Variants in SRSF12 observed in about 807,000 individuals in gnomAD.
SRSF12 encodes the protein serine/arginine-rich splicing factor 12.
SRSF12 carries 21 observed loss-of-function variants against 34.1 expected under a neutral mutation model. That is an observed-to-expected ratio of 0.62 (90% CI 0.44 to 0.89). SRSF12 has a LOEUF of 0.89. Among genes scored for constraint, SRSF12 ranks in the 40% least tolerant of loss-of-function variants. SRSF12 has a pLI of 0.00. For synonymous variants in SRSF12, 111 were observed against 110.8 expected (o/e 1.00, Z -0.01); for missense variants, 278 against 327.8 (o/e 0.85, Z 1.17).
intron 1 of SRSF12, among the ~76,000 whole-genome samples, chr6:89,107,624 G>A (rs894699419): frequency 5.9e-5 from 9 of 152,144 alleles, no homozygotes; most frequent in East Asian, 5.8e-4. Flanking sequence ...CCAGCTACTC[G>A]GGAGGCTGAG....
At chr6:89,101,286 A>C (rs1582253983) in intron 4 of SRSF12, among the ~76,000 whole-genome samples, 1 of 152,248 alleles carries the variant, frequency 6.6e-6, no homozygotes, top group East Asian at 1.9e-4. Context: ...CAATATTTGA[A>C]GAGATAATAG....
At chr6:89,115,640 T>C (rs1275481923) in intron 1 of SRSF12, among the ~76,000 whole-genome samples, 1 of 146,106 alleles carries the variant, frequency 6.8e-6, no homozygotes, top group African/African-American at 2.6e-5. Context: ...TCTTTTTTTT[T>C]TTTTTTTTTT....
intron 2 of SRSF12, 29 bp from the exon 3 acceptor site, chr6:89,105,559 A>G (rs1463514741): frequency 2.1e-6 from 3 of 1,457,796 alleles, no homozygotes; most frequent in Admixed American, 4.4e-5. Flanking sequence ...CACTTTGAAC[A>G]TGAGATATCA....
intron 4 of SRSF12, among the ~76,000 whole-genome samples, chr6:89,101,200 GA>G (rs1300673549): frequency 3.3e-5 from 5 of 151,102 alleles, no homozygotes; most frequent in Non-Finnish European, 5.9e-5. Flanking sequence ...GGAATTTTAA[GA>G]AATCCCTAAA....
intron 1 of SRSF12, 111 bp from the exon 2 acceptor site, chr6:89,107,369 A>G: frequency 1.4e-6 from 1 of 733,928 alleles, no homozygotes; most frequent in Non-Finnish European, 2.2e-6. Context: ...CTAGACCAGC[A>G]TTATCTAAAA....
chr6:89,101,229 T>G (rs1377625616), intron 4 of SRSF12, among the ~76,000 whole-genome samples: 1 of 151,908 alleles, frequency 6.6e-6, no homozygotes, highest in Non-Finnish European at 1.5e-5. Context: ...AGCAGATGTA[T>G]AGCATACAGT....
chr6:89,111,949 G>C (rs967329271), intron 1 of SRSF12, among the ~76,000 whole-genome samples: 1 of 152,166 alleles, frequency 6.6e-6, no homozygotes, highest in Non-Finnish European at 1.5e-5. Flanking sequence ...CAAAAGCAAA[G>C]ATATTATTTT....
chr6:89,116,765 G>C, intron 1 of SRSF12, among the ~76,000 whole-genome samples: 1 of 137,548 alleles, frequency 7.3e-6, no homozygotes, highest in South Asian at 2.3e-4. Context: ...ACAAGAGCGA[G>C]ACTTTGTCTA....
intron 1 of SRSF12, among the ~76,000 whole-genome samples, chr6:89,115,672 T>C (rs1769260502): frequency 6.7e-6 from 1 of 149,234 alleles, no homozygotes. Flanking sequence ...GTCCTCGCTC[T>C]GTCTCCCAGG....
intron 1 of SRSF12, among the ~76,000 whole-genome samples, chr6:89,111,109 C>CGTT (rs1769027074): frequency 3.3e-5 from 4 of 120,744 alleles, no homozygotes; most frequent in Non-Finnish European, 1.6e-5. Flanking sequence ...TGAGACTTGT[C>CGTT]TTTTTTTTTT....
At chr6:89,106,750 C>T (rs1015169434) in intron 2 of SRSF12, 54 of 341,116 alleles carry the variant, frequency 1.6e-4, no homozygotes, top group South Asian at 6.0e-4. Context: ...TTATAAGAGA[C>T]GCAGAACCAA....
chr6:89,109,211 G>T (rs1768930248), intron 1 of SRSF12, among the ~76,000 whole-genome samples: 1 of 152,100 alleles, frequency 6.6e-6, no homozygotes, highest in African/African-American at 2.4e-5. Flanking sequence ...ATTAATTCTG[G>T]ACCTAATTAG....
At chr6:89,103,622 C>T (rs969400262) in intron 4 of SRSF12, among the ~76,000 whole-genome samples, 2 of 152,084 alleles carry the variant, frequency 1.3e-5, no homozygotes, top group Non-Finnish European at 1.5e-5. Context: ...TAAGCCACTG[C>T]GCCTGGCCTG....
intron 1 of SRSF12, among the ~76,000 whole-genome samples, chr6:89,108,326 G>A (rs1286511108): frequency 6.6e-6 from 1 of 152,188 alleles, no homozygotes; most frequent in East Asian, 1.9e-4. Context: ...CAATTTCCCT[G>A]TGGTTATTTA....
intron 3 of SRSF12, 34 bp downstream of exon 3, chr6:89,105,393 G>T: frequency 6.4e-7 from 1 of 1,572,850 alleles, no homozygotes; most frequent in South Asian, 1.2e-5. Flanking sequence ...TCATTCTGCT[G>T]AATAAATAAA....
intron 4 of SRSF12, 93 bp from the exon 5 acceptor site, chr6:89,099,040 T>TGTTATGTAAAG: frequency 7.2e-7 from 1 of 1,388,996 alleles, no homozygotes; most frequent in African/African-American, 1.5e-5. Context: ...TTACATAACA[T>TGTTATGTAAAG]TAGTTATATT....
intron 2 of SRSF12, chr6:89,105,756 C>CA (rs1205642314): frequency 6.7e-6 from 2 of 296,536 alleles, no homozygotes; most frequent in East Asian, 1.2e-4. Flanking sequence ...AAGAACAAAA[C>CA]AAACATGTAA....
chr6:89,115,977 A>C lies in SRSF12; in HGVS notation c.65+1846T>G, dbSNP rs1769277476. 2.0e-5 allele frequency among the ~76,000 whole-genome samples: 3 copies of C among 152,192 alleles called. 1 individual carries two copies. In the South Asian group the frequency reaches 6.2e-4, roughly 31 times the overall value. On this transcript the variant is annotated intron_variant, in intron 1 of 4. Coordinates refer to ENST00000452027, the MANE Select transcript of SRSF12 (RefSeq NM_080743.5). ...ATGATTCAACTTAATGCATCTAAAGACTAAGATTACACATACAAAATCCAG... is the reference window on the plus strand; with the variant it reads ...ATGATTCAACTTAATGCATCTAAAGCCTAAGATTACACATACAAAATCCAG...
At chr6:89,114,627 TG>T (rs1769207309) in intron 1 of SRSF12, among the ~76,000 whole-genome samples, 5 of 149,238 alleles carry the variant, frequency 3.4e-5, no homozygotes, top group Admixed American at 2.7e-4. Flanking sequence ...AGTGAAAAAA[TG>T]GAAAAGGAAA....
Sources: gnomAD v4.1 joint callset for allele counts (sites outside exome capture counted in the v4.1 genomes callset) on GRCh38, gnomAD v4.1.1 for gene constraint, MANE v1.5 for transcripts, NCBI Gene and HGNC (gene_info 2026-07-23, HGNC 2026-07-21) for gene names.